The following GRM8 variants were observed in gnomAD, a reference collection of about 807,000 sequenced individuals.
GRM8 encodes metabotropic glutamate receptor 8.
GRM8 carries 47 observed loss-of-function variants against 87.2 expected under a neutral mutation model. The ratio of observed to expected loss-of-function variants is 0.54; its 90% confidence interval spans 0.43 to 0.69. GRM8 has a LOEUF of 0.69. GRM8 is among the 30% of genes least tolerant of loss of function. GRM8 has a pLI of 0.00. For synonymous variants in GRM8, 396 were observed against 404.5 expected (o/e 0.98, Z 0.25); for missense variants, 1,019 against 1,139.2 (o/e 0.89, Z 1.52).
At chr7:126,531,083 G>A (rs1814745783) in intron 9 of GRM8, among the ~76,000 whole-genome samples, 1 of 152,178 alleles carries the variant, frequency 6.6e-6, no homozygotes, top group Admixed American at 6.5e-5. Context: ...AGAATAGCAG[G>A]TAGCAAATTT....
intron 9 of GRM8, among the ~76,000 whole-genome samples, chr7:126,506,426 A>C (rs1237725757): frequency 6.6e-6 from 1 of 151,988 alleles, no homozygotes. Context: ...CTGACTGCAA[A>C]CTTCCAGAAG....
intron 3 of GRM8, among the ~76,000 whole-genome samples, chr7:126,993,380 C>T (rs539389706): frequency 1.4e-4 from 22 of 152,210 alleles, no homozygotes; most frequent in Admixed American, 8.5e-4. Flanking sequence ...ACATATGCTA[C>T]GACATAGATG....
chr7:126,447,610 C>CAAAA (rs1334155639), intron 9 of GRM8, among the ~76,000 whole-genome samples: 1 of 151,750 alleles, frequency 6.6e-6, no homozygotes, highest in Non-Finnish European at 1.5e-5. Flanking sequence ...AAAAACAAAA[C>CAAAA]AAAACAAAAC....
intron 3 of GRM8, among the ~76,000 whole-genome samples, chr7:126,928,487 C>T (rs578046302): frequency 2.6e-5 from 4 of 151,892 alleles, no homozygotes; most frequent in Admixed American, 6.6e-5. Context: ...GCCTGGGCAA[C>T]GTGATGAAAC....
chr7:127,008,237 G>A (rs1053015148), intron 3 of GRM8, among the ~76,000 whole-genome samples: 3 of 152,004 alleles, frequency 2.0e-5, no homozygotes, highest in South Asian at 2.1e-4. Context: ...ATCCAGCCAG[G>A]GTTGAACACT....
intron 7 of GRM8, among the ~76,000 whole-genome samples, chr7:126,751,141 C>T (rs570322746): frequency 1.3e-5 from 2 of 152,200 alleles, no homozygotes; most frequent in South Asian, 2.1e-4. Flanking sequence ...ATCAGTCTCA[C>T]ATTTTCCATT....
At chr7:127,032,182 CT>C (rs1817442037) in intron 3 of GRM8, among the ~76,000 whole-genome samples, 1 of 152,108 alleles carries the variant, frequency 6.6e-6, no homozygotes, top group Admixed American at 6.6e-5. Context: ...TGGTTCAGCA[CT>C]TTTCAAAGCT....
intron 3 of GRM8, among the ~76,000 whole-genome samples, chr7:126,933,009 T>C (rs1246801243): frequency 2.6e-5 from 4 of 152,092 alleles, no homozygotes; most frequent in African/African-American, 7.2e-5. Flanking sequence ...CCTATCCCTA[T>C]CCAGGAAAGG....
At chr7:127,194,702 TG>T (rs1795193853) in intron 2 of GRM8, among the ~76,000 whole-genome samples, 1 of 152,172 alleles carries the variant, frequency 6.6e-6, no homozygotes, top group African/African-American at 2.4e-5. Flanking sequence ...ACTGATTGTA[TG>T]GGGGACATGG....
chr7:127,134,016 G>A (rs1345004065), intron 2 of GRM8, among the ~76,000 whole-genome samples: 1 of 152,042 alleles, frequency 6.6e-6, no homozygotes, highest in African/African-American at 2.4e-5. Context: ...CTGTGAGTTC[G>A]GTATTATCTC....
chr7:126,987,457 G>GT (rs1812202666), intron 3 of GRM8, among the ~76,000 whole-genome samples: 1 of 140,010 alleles, frequency 7.1e-6, no homozygotes, highest in African/African-American at 2.7e-5. Context: ...TTTTTTTTTT[G>GT]TTTTTTGTTT....
chr7:127,078,915 T>C (rs893742026), intron 3 of GRM8, among the ~76,000 whole-genome samples: 2 of 152,174 alleles, frequency 1.3e-5, no homozygotes, highest in African/African-American at 4.8e-5. Flanking sequence ...AATCGGTTGG[T>C]GAGAAAGAAA....
intron 3 of GRM8, among the ~76,000 whole-genome samples, chr7:126,928,030 T>C (rs1182499586): frequency 6.6e-6 from 1 of 152,144 alleles, no homozygotes; most frequent in Non-Finnish European, 1.5e-5. Flanking sequence ...TGGAATATTA[T>C]GCAGCCTTAA....
At chr7:127,199,120 C>T (rs1229388803) in intron 2 of GRM8, among the ~76,000 whole-genome samples, 4 of 151,048 alleles carry the variant, frequency 2.6e-5, no homozygotes, top group Non-Finnish European at 4.4e-5. Flanking sequence ...GGATTACAGG[C>T]GTGAGCCACC....
chr7:126,660,807 G>A (rs763399577), intron 7 of GRM8, among the ~76,000 whole-genome samples: 6 of 152,190 alleles, frequency 3.9e-5, no homozygotes, highest in Admixed American at 1.3e-4. Flanking sequence ...TTCTTATAAC[G>A]AGCACTACCT....
At chr7:126,687,544 T>G (rs533532533) in intron 7 of GRM8, among the ~76,000 whole-genome samples, 1 of 152,102 alleles carries the variant, frequency 6.6e-6, no homozygotes, top group South Asian at 2.1e-4. Context: ...TGCACATTAC[T>G]ACTACAAATA....
In GRM8 at chr7:126,841,361, G is replaced by T. The variant is rs557961572; in HGVS notation, c.1156+61181C>A. ...GCAGTCTTGGTGGTAATGGCTAGAAGAATGGGCTCAGCAGGACAATTGACC... is the reference window on the plus strand; with the variant it reads ...GCAGTCTTGGTGGTAATGGCTAGAATAATGGGCTCAGCAGGACAATTGACC... On this transcript the variant is annotated intron_variant, in intron 6 of 10. Transcript: ENST00000339582. Among the ~76,000 whole-genome samples, 7 of 152,234 alleles carry T rather than the reference G, an allele frequency of 4.6e-5. No homozygotes were observed. The South Asian group carries it at 1.5e-3, about 32-fold the overall frequency.
intron 9 of GRM8, among the ~76,000 whole-genome samples, chr7:126,489,395 T>G (rs1323366465): frequency 1.3e-5 from 2 of 152,062 alleles, no homozygotes; most frequent in African/African-American, 4.8e-5. Context: ...TCTTTGAGAA[T>G]TAAATCCAAG....
chr7:126,769,359 C>A (rs1010207613), intron 7 of GRM8, among the ~76,000 whole-genome samples: 1 of 151,986 alleles, frequency 6.6e-6, no homozygotes, highest in African/African-American at 2.4e-5. Flanking sequence ...CCTTTGCTTC[C>A]GAAGGACTGA....
Sources: allele counts gnomAD v4.1 joint callset (sites outside exome capture counted in the v4.1 genomes callset), GRCh38; gene constraint gnomAD v4.1.1; transcripts MANE v1.5; gene names NCBI Gene and HGNC (gene_info 2026-07-23, HGNC 2026-07-21).